The following CAMKMT variants were observed in gnomAD, a reference collection of about 807,000 sequenced individuals.
CAMKMT encodes calmodulin-lysine N-methyltransferase.
Under a neutral mutation model 48.0 loss-of-function variants are expected in CAMKMT, and 53 were observed. The ratio of observed to expected loss-of-function variants is 1.10; its 90% CI spans 0.89 to 1.39. The LOEUF is 1.39. Among genes scored for constraint, CAMKMT ranks in the 40% most tolerant of loss-of-function variants. The pLI, the probability that CAMKMT is intolerant of heterozygous loss-of-function variation, is 0.00. For synonymous variants in CAMKMT, 165 were observed against 152.3 expected, an observed-to-expected ratio of 1.08 and a Z score of -0.61; for missense variants, 428 against 402.7, an observed-to-expected ratio of 1.06 and a Z score of -0.54.
At chr2:44,446,728 C>T (rs1354807847) in intron 3 of CAMKMT, among the ~76,000 whole-genome samples, 1 of 152,204 alleles carries the variant, frequency 6.6e-6, no homozygotes, top group African/African-American at 2.4e-5. Context: ...CACTGTATAC[C>T]TTGTTGTGCT....
At chr2:44,537,661 T>C (rs1343726305) in intron 3 of CAMKMT, among the ~76,000 whole-genome samples, 2 of 152,084 alleles carry the variant, frequency 1.3e-5, no homozygotes, top group African/African-American at 2.4e-5. Flanking sequence ...ACCCCAGGGC[T>C]CAAGTGATCC....
At chr2:44,562,838 G>A (rs935241689) in intron 3 of CAMKMT, among the ~76,000 whole-genome samples, 2 of 152,202 alleles carry the variant, frequency 1.3e-5, no homozygotes, top group African/African-American at 4.8e-5. Context: ...TGGGATTACA[G>A]GCGTGAGCCA....
At chr2:44,414,105 A>G (rs1683393493) in intron 3 of CAMKMT, among the ~76,000 whole-genome samples, 1 of 152,132 alleles carries the variant, frequency 6.6e-6, no homozygotes, top group Non-Finnish European at 1.5e-5. Flanking sequence ...CCACATCCTC[A>G]TATCTCTGGC....
intron 3 of CAMKMT, among the ~76,000 whole-genome samples, chr2:44,529,963 G>C (rs978466833): frequency 6.6e-6 from 1 of 152,078 alleles, no homozygotes; most frequent in African/African-American, 2.4e-5. Flanking sequence ...CATATGCTGA[G>C]GTCTTTTTCA....
At chr2:44,646,343 AT>A (rs1673731546) in intron 3 of CAMKMT, among the ~76,000 whole-genome samples, 1 of 151,838 alleles carries the variant, frequency 6.6e-6, no homozygotes, top group Non-Finnish European at 1.5e-5. Context: ...CAAAAACAAT[AT>A]TGAATTCTAT....
At chr2:44,462,015 C>G (rs1166072936) in intron 3 of CAMKMT, among the ~76,000 whole-genome samples, 2 of 152,176 alleles carry the variant, frequency 1.3e-5, no homozygotes, top group African/African-American at 2.4e-5. Context: ...TTACATATTT[C>G]TACTTCCAAT....
chr2:44,366,092 C>T (rs1318061779), intron 1 of CAMKMT, among the ~76,000 whole-genome samples: 1 of 152,202 alleles, frequency 6.6e-6, no homozygotes, highest in Non-Finnish European at 1.5e-5. Flanking sequence ...AAGCAACTTA[C>T]CTTTATCTTT....
intron 3 of CAMKMT, among the ~76,000 whole-genome samples, chr2:44,536,895 C>G (rs1477151296): frequency 2.0e-5 from 3 of 151,874 alleles, no homozygotes; most frequent in Non-Finnish European, 4.4e-5. Flanking sequence ...ACAAAGGCAA[C>G]AAGAATATAC....
chr2:44,453,796 A>G (rs550848377), intron 3 of CAMKMT, among the ~76,000 whole-genome samples: 1 of 152,202 alleles, frequency 6.6e-6, no homozygotes, highest in East Asian at 1.9e-4. Flanking sequence ...TTTAAAATGA[A>G]ATTTCTCATT....
At chr2:44,460,211 A>G (rs1572561221) in intron 3 of CAMKMT, among the ~76,000 whole-genome samples, 2 of 152,206 alleles carry the variant, frequency 1.3e-5, no homozygotes, top group East Asian at 1.9e-4. Flanking sequence ...AGAGGGAAAA[A>G]AAGCCATGGC....
At chr2:44,764,342 G>C (rs1680744289) in intron 9 of CAMKMT, among the ~76,000 whole-genome samples, 2 of 152,094 alleles carry the variant, frequency 1.3e-5, no homozygotes, top group African/African-American at 4.8e-5. Flanking sequence ...AGCATTTTTA[G>C]AGCACTGTTA....
intron 3 of CAMKMT, among the ~76,000 whole-genome samples, chr2:44,604,460 T>C (rs1221494315): frequency 1.3e-5 from 2 of 151,754 alleles, no homozygotes; most frequent in East Asian, 1.9e-4. Context: ...GAAAACCCCA[T>C]GTAGTAGGGT....
intron 7 of CAMKMT, among the ~76,000 whole-genome samples, chr2:44,719,267 C>G (rs1176213692): frequency 6.6e-6 from 1 of 152,168 alleles, no homozygotes; most frequent in Non-Finnish European, 1.5e-5. Context: ...CCTTCTCAGC[C>G]TACCCTAATC....
chr2:44,502,755 T>C (rs1424348501), intron 3 of CAMKMT, among the ~76,000 whole-genome samples: 1 of 152,188 alleles, frequency 6.6e-6, no homozygotes, highest in Non-Finnish European at 1.5e-5. Flanking sequence ...AGATTTCAAC[T>C]GTCCCTTAAG....
intron 3 of CAMKMT, among the ~76,000 whole-genome samples, chr2:44,539,626 T>C (rs1666982285): frequency 6.6e-6 from 1 of 152,186 alleles, no homozygotes; most frequent in African/African-American, 2.4e-5. Context: ...CTTTGCTTGT[T>C]GTGTCTATTT....
Position 44,743,464 on chromosome 2 carries a change from G to A in CAMKMT, c.624-158G>A, listed in dbSNP as rs150733320. 3.9e-5 allele frequency among the ~76,000 whole-genome samples: 6 copies of A among 152,106 alleles called. No homozygotes were observed. The East Asian group carries it at 1.2e-3, about 29-fold the overall frequency. ...AGATTTGAATACTAAATAAAACACA[G>A]AAGACAGTTACATCCTATTTTTTAT... On this transcript the variant is annotated intron_variant, in intron 7 of 10. Coordinates refer to ENST00000378494, the MANE Select transcript of CAMKMT (RefSeq NM_024766.5).
At chr2:44,652,416 G>T (rs151016385) in intron 3 of CAMKMT, among the ~76,000 whole-genome samples, 10 of 152,158 alleles carry the variant, frequency 6.6e-5, no homozygotes, top group African/African-American at 2.4e-4. Context: ...ACTGCTCAGC[G>T]TCCGCAAGGG....
intron 3 of CAMKMT, among the ~76,000 whole-genome samples, chr2:44,509,511 A>G (rs1445155443): frequency 6.6e-6 from 1 of 151,984 alleles, no homozygotes; most frequent in Non-Finnish European, 1.5e-5. Flanking sequence ...GGGTTTCACC[A>G]TGTTGCCCAG....
chr2:44,393,104 CA>C (rs1681504393), intron 3 of CAMKMT, among the ~76,000 whole-genome samples: 1 of 152,110 alleles, frequency 6.6e-6, no homozygotes, highest in Non-Finnish European at 1.5e-5. Flanking sequence ...TTTTGAATAT[CA>C]GGGGATGATT....
Sources: allele counts gnomAD v4.1 joint callset (sites outside exome capture counted in the v4.1 genomes callset), GRCh38; gene constraint gnomAD v4.1.1; transcripts MANE v1.5; gene names NCBI Gene and HGNC (gene_info 2026-07-23, HGNC 2026-07-21).